Variants in ADARB1 observed in about 807,000 individuals in gnomAD.
The protein encoded by ADARB1 is adenosine deaminase RNA specific B1.
Under a neutral mutation model 52.4 loss-of-function variants are expected in ADARB1, and 10 were observed. The ratio of observed to expected loss-of-function variants is 0.19; its 90% confidence interval spans 0.12 to 0.32. The LOEUF (loss-of-function observed/expected upper bound fraction) is 0.32. Ranked by LOEUF, ADARB1 falls within the 10% of genes least tolerant of loss-of-function variation. The probability of loss-of-function intolerance (pLI) is 1.00; values close to 1 mark genes in which losing one functional copy is unlikely to be tolerated. For synonymous variants in ADARB1, 349 were observed against 371.1 expected (o/e 0.94, Z 0.68); for missense variants, 643 against 922.3 (o/e 0.70, Z 3.92).
chr21:45,139,276 TTCAA>T (rs2089573314), intron 2 of ADARB1, among the ~76,000 whole-genome samples: 2 of 152,212 alleles, frequency 1.3e-5, no homozygotes, highest in South Asian at 2.1e-4. Flanking sequence ...GTAACCTTGG[TTCAA>T]TCAAAGTTCC....
At chr21:45,187,714 T>C (rs931470269) in intron 8 of ADARB1, among the ~76,000 whole-genome samples, 4 of 152,218 alleles carry the variant, frequency 2.6e-5, no homozygotes, top group African/African-American at 9.6e-5. Context: ...ATGTATTTAT[T>C]ATTATTAAGA....
chr21:45,122,063 C>T (rs1044311633), intron 1 of ADARB1, among the ~76,000 whole-genome samples: 5 of 152,202 alleles, frequency 3.3e-5, no homozygotes, highest in Admixed American at 6.5e-5. Flanking sequence ...TTACTTGCCA[C>T]GAGCATATCA....
intron 1 of ADARB1, among the ~76,000 whole-genome samples, chr21:45,107,545 A>T (rs1354819418): frequency 6.6e-6 from 1 of 152,234 alleles, no homozygotes; most frequent in Admixed American, 6.5e-5. Context: ...CCATATATAG[A>T]TGGAAATCTA....
chr21:45,084,268 T>C (rs1212824014), intron 1 of ADARB1, among the ~76,000 whole-genome samples: 3 of 152,240 alleles, frequency 2.0e-5, no homozygotes, highest in Non-Finnish European at 4.4e-5. Flanking sequence ...ATAGAACCTA[T>C]GTGTAGTCCT....
rs1185820031 is a variant in ADARB1 at position 45,172,335 on chromosome 21, A to G, written c.28+651A>G. On this transcript the variant is annotated intron_variant, in intron 3 of 10. Transcript: ENST00000348831. This position sits in a 1 kb window ranked among gnomAD's most constrained non-coding sequence, Gnocchi z 4.4. ...TTTAGATGCTTCCACGGAAGTTGGG[A>G]GAGTTTAGTAGAGAAATTACAACAA... Among the ~76,000 whole-genome samples, 1 of 152,130 alleles carries G rather than the reference A, an allele frequency of 6.6e-6. No homozygotes were observed. Among genetic ancestry groups the G allele is most frequent in the African/African-American group, 2.4e-5 (1 of 41,414 alleles).
At chr21:45,153,513 C>T (rs2090408350) in intron 2 of ADARB1, among the ~76,000 whole-genome samples, 1 of 152,186 alleles carries the variant, frequency 6.6e-6, no homozygotes, top group Admixed American at 6.5e-5. Flanking sequence ...TACAGCGCTT[C>T]ACCACCACAG....
chr21:45,202,820 G>A (rs1342164470), intron 8 of ADARB1, among the ~76,000 whole-genome samples: 1 of 149,482 alleles, frequency 6.7e-6, no homozygotes, highest in African/African-American at 2.5e-5. Flanking sequence ...ATCTTCCCCT[G>A]CAGCCTGTGC....
chr21:45,225,564 C>A lies in ADARB1; in HGVS notation c.*3367C>A. 7.5e-7 allele frequency: 1 copy of A among 1,338,220 alleles called. No individual in the cohort carries two copies. The highest frequency in any genetic ancestry group is 9.7e-7 in the Non-Finnish European group (1 of 1,032,422). The allele number at this position is 1,338,220 out of a possible 1,614,324, so 82.9% of individuals were successfully genotyped here. On this transcript the variant is annotated 3_prime_UTR_variant, in exon 11 of 11. Coordinates refer to ENST00000348831, the MANE Select transcript of ADARB1 (RefSeq NM_001112.4). ...TCACACAGGTACACTGAGGAGGGGA[C>A]GGCTCCGTCTTCACATTGTGCACAG...
intron 9 of ADARB1, among the ~76,000 whole-genome samples, chr21:45,211,481 G>A (rs2092768672): frequency 6.6e-6 from 1 of 152,208 alleles, no homozygotes; most frequent in Non-Finnish European, 1.5e-5. Flanking sequence ...ATGAATGTCT[G>A]ATAGTTTCTA....
At chr21:45,150,269 G>A (rs918637044) in intron 2 of ADARB1, among the ~76,000 whole-genome samples, 60 of 152,276 alleles carry the variant, frequency 3.9e-4, no homozygotes, top group African/African-American at 1.4e-3. Context: ...GCAAAACTCT[G>A]TCTCAGACAA....
At chr21:45,124,845 C>T (rs866626772) in intron 1 of ADARB1, among the ~76,000 whole-genome samples, 106 of 149,720 alleles carry the variant, frequency 7.1e-4, no homozygotes, top group Non-Finnish European at 1.2e-3. Context: ...TTGCCTAGGC[C>T]GGAGTGCAGT....
Position 45,175,713 on chromosome 21 carries a change from CTT to C in ADARB1, c.29-15_29-14del. The C allele has an allele frequency of 6.2e-7, 1 of 1,612,426 alleles. No homozygotes were observed. Among genetic ancestry groups the C allele is most frequent in the Non-Finnish European group, 8.5e-7 (1 of 1,179,416 alleles). On this transcript the variant is annotated splice_polypyrimidine_tract_variant and intron_variant, in intron 3 of 10. Coordinates refer to ENST00000348831, the MANE Select transcript of ADARB1 (RefSeq NM_001112.4). ...TGCAACGAAGGCATTGTAAGTTACTCTTTCTGGGCACCACAGGTTCCAGCAGC... is the reference window on the plus strand; with the variant it reads ...TGCAACGAAGGCATTGTAAGTTACTCTCTGGGCACCACAGGTTCCAGCAGC...
intron 1 of ADARB1, among the ~76,000 whole-genome samples, chr21:45,095,160 C>T (rs386528): frequency 0.85 from 129,761 of 152,278 alleles, 55,563 homozygotes; most frequent in Non-Finnish European, 0.9. Context: ...TCTTGGATTC[C>T]GTGGGCAGTG....
intron 1 of ADARB1, among the ~76,000 whole-genome samples, chr21:45,114,384 TG>T (rs1323024743): frequency 6.6e-6 from 1 of 151,672 alleles, no homozygotes; most frequent in Non-Finnish European, 1.5e-5. Flanking sequence ...CCTCTCAGAG[TG>T]GTGCCTTGGT....
chr21:45,178,462 G>A (rs536560466), intron 4 of ADARB1, among the ~76,000 whole-genome samples: 6 of 152,346 alleles, frequency 3.9e-5, no homozygotes, highest in South Asian at 2.1e-4. Flanking sequence ...AGTCTCTGCC[G>A]GAGTGGAACC....
At chr21:45,166,126 T>A (rs1430663838) in intron 2 of ADARB1, among the ~76,000 whole-genome samples, 1 of 152,156 alleles carries the variant, frequency 6.6e-6, no homozygotes, top group African/African-American at 2.4e-5. Flanking sequence ...CCAGGATATG[T>A]TTTTTCATTA....
At chr21:45,184,515 C>T (rs2092036191) in intron 7 of ADARB1, 1 of 337,146 alleles carries the variant, frequency 3.0e-6, no homozygotes, top group Non-Finnish European at 5.9e-6. Flanking sequence ...GTGGTGCAAT[C>T]ATGGCTCACT....
At chr21:45,149,816 G>A (rs1454750608) in intron 2 of ADARB1, among the ~76,000 whole-genome samples, 1 of 152,182 alleles carries the variant, frequency 6.6e-6, no homozygotes, top group African/African-American at 2.4e-5. Context: ...CCTAATGCGG[G>A]GCTAGCGCAC....
intron 8 of ADARB1, among the ~76,000 whole-genome samples, chr21:45,188,141 C>A (rs1287559431): frequency 6.6e-6 from 1 of 151,994 alleles, no homozygotes; most frequent in Non-Finnish European, 1.5e-5. Flanking sequence ...GAGTCTCGCT[C>A]TGTCACCCAG....
Sources: allele counts gnomAD v4.1 joint callset (sites outside exome capture counted in the v4.1 genomes callset), GRCh38; gene constraint gnomAD v4.1.1; non-coding constraint Gnocchi (gnomAD v3.1); transcripts MANE v1.5; gene names NCBI Gene and HGNC (gene_info 2026-07-23, HGNC 2026-07-21).